CACNA2D1: variants seen among roughly 807,000 people sequenced by gnomAD.
CACNA2D1 encodes voltage-dependent calcium channel subunit alpha-2/delta-1.
In CACNA2D1, 53 loss-of-function variants were observed where a neutral mutation model predicts 171.5. That is an observed-to-expected ratio of 0.31 (90% CI 0.25 to 0.39). The LOEUF is 0.39. CACNA2D1 is among the 10% of genes least tolerant of loss of function. The pLI is 1.00. For missense variants in CACNA2D1, 903 were observed against 1,299.8 expected (o/e 0.69, Z 4.69); for synonymous variants, 442 against 443.1 (o/e 1.00, Z 0.03).
At chr7:82,198,784 T>C (rs1440756255) in intron 3 of CACNA2D1, among the ~76,000 whole-genome samples, 1 of 152,046 alleles carries the variant, frequency 6.6e-6, no homozygotes, top group Non-Finnish European at 1.5e-5. Context: ...ATTAATACTA[T>C]GCTGCTCCAG....
At position 81,949,123 on chromosome 7, in the gene CACNA2D1, C is replaced by T. The variant is rs1367962473; in HGVS notation, c.*1269G>A. 6.6e-6 allele frequency: 1 copy of T among 151,956 alleles called. No homozygotes were observed. The highest frequency in any genetic ancestry group is 1.5e-5 in the Non-Finnish European group (1 of 67,920). 9.4% of individuals were successfully genotyped at this position (151,956 alleles called of 1,614,324 possible). ...AGGAACTTTTGGATTGTATGTGCTA[C>T]TATTGAAACGAACAAAGAGGAAACC... On this transcript the variant is annotated 3_prime_UTR_variant, in exon 39 of 39. Transcript: ENST00000356860.
intron 12 of CACNA2D1, chr7:82,029,868 A>C (rs1802449190): frequency 1.3e-5 from 2 of 151,874 alleles, no homozygotes; most frequent in South Asian, 4.1e-4. Flanking sequence ...GTTAGAGACA[A>C]AATTAAATGA....
At chr7:82,081,043 G>C (rs1377967269) in intron 7 of CACNA2D1, among the ~76,000 whole-genome samples, 2 of 152,186 alleles carry the variant, frequency 1.3e-5, no homozygotes, top group Non-Finnish European at 2.9e-5. Context: ...TTAGGTCTCA[G>C]AGAGTTTAGG....
intron 3 of CACNA2D1, among the ~76,000 whole-genome samples, chr7:82,285,178 G>A (rs907004461): frequency 6.6e-6 from 1 of 151,954 alleles, no homozygotes; most frequent in East Asian, 1.9e-4. Context: ...TCCTCTTCTC[G>A]ATGGTGGTCA....
chr7:82,183,056 G>T (rs1300868889), intron 3 of CACNA2D1, among the ~76,000 whole-genome samples: 1 of 149,760 alleles, frequency 6.7e-6, no homozygotes, highest in East Asian at 2.0e-4. Flanking sequence ...AAAAAAAAGT[G>T]AGGCGCAGGA....
At chr7:82,042,748 G>T (rs2131246802) in intron 10 of CACNA2D1, among the ~76,000 whole-genome samples, 1 of 152,018 alleles carries the variant, frequency 6.6e-6, no homozygotes, top group East Asian at 1.9e-4. Flanking sequence ...CCCACTATAT[G>T]TACTGTTCCT....
intron 6 of CACNA2D1, among the ~76,000 whole-genome samples, chr7:82,100,634 C>T (rs945037392): frequency 6.6e-6 from 1 of 152,088 alleles, no homozygotes; most frequent in African/African-American, 2.4e-5. Flanking sequence ...TGAATCAATG[C>T]ACAGCTTGCT....
chr7:82,443,233 C>T, intron 1 of CACNA2D1, 132 bp downstream of exon 1: 1 of 833,400 alleles, frequency 1.2e-6, no homozygotes, highest in Non-Finnish European at 1.7e-6. Flanking sequence ...TCTCCGCATC[C>T]GAGCCTGGCT....
chr7:82,297,835 G>A (rs1251282063), intron 3 of CACNA2D1, among the ~76,000 whole-genome samples: 1 of 152,106 alleles, frequency 6.6e-6, no homozygotes, highest in East Asian at 1.9e-4. Flanking sequence ...AAATAATTAT[G>A]TATTCATCCA....
At chr7:82,325,339 C>T (rs1816515437) in intron 3 of CACNA2D1, among the ~76,000 whole-genome samples, 2 of 152,120 alleles carry the variant, frequency 1.3e-5, no homozygotes, top group African/African-American at 2.4e-5. Flanking sequence ...TATTCGGTAG[C>T]TAAACTAGCT....
intron 1 of CACNA2D1, among the ~76,000 whole-genome samples, chr7:82,361,689 A>G (rs1383384454): frequency 6.6e-6 from 1 of 152,180 alleles, no homozygotes; most frequent in Non-Finnish European, 1.5e-5. Flanking sequence ...CTTGCATATC[A>G]TACGCTCAGT....
At chr7:82,058,531 A>C (rs1156237331) in intron 10 of CACNA2D1, among the ~76,000 whole-genome samples, 1 of 152,190 alleles carries the variant, frequency 6.6e-6, no homozygotes, top group East Asian at 1.9e-4. Context: ...GAGATCAAGT[A>C]TTACATTCTA....
chr7:82,230,396 T>C lies in CACNA2D1; in HGVS notation c.295-59787A>G, dbSNP rs560906215. Among the ~76,000 whole-genome samples, 14 of 152,354 alleles carry C rather than the reference T, an allele frequency of 9.2e-5. 1 individual carries two copies. The East Asian group carries it at 1.3e-3, about 15-fold the overall frequency. On this transcript the variant is annotated intron_variant, in intron 3 of 38. Transcript: ENST00000356860. The stretch of plus-strand genomic sequence containing the variant: ...TGTAATGAATGCTTCACAATTTATA[T>C]TGGGTTGTTTCTAGTTTGGAGCTAT...
chr7:81,950,339 T>G lies in CACNA2D1; in HGVS notation c.*53A>C, dbSNP rs1468577273. ...ACGTTACTGTAATTGAGGGCAGGGCTCATGTTTTGGCAGGGTCTGGAGTTT... is the reference window on the plus strand; with the variant it reads ...ACGTTACTGTAATTGAGGGCAGGGCGCATGTTTTGGCAGGGTCTGGAGTTT... On this transcript the variant is annotated 3_prime_UTR_variant, in exon 39 of 39. Transcript: ENST00000356860. The G allele has an allele frequency of 6.2e-7, 1 of 1,612,498 alleles. No individual in the cohort carries two copies. The highest frequency in any genetic ancestry group is 1.7e-5 in the Admixed American group (1 of 59,800).
At chr7:82,146,081 A>G (rs986261913) in intron 4 of CACNA2D1, among the ~76,000 whole-genome samples, 14 of 151,870 alleles carry the variant, frequency 9.2e-5, no homozygotes, top group Admixed American at 9.2e-4. Context: ...TGTCCGGCAT[A>G]TTAACCAATC....
chr7:82,221,773 C>CAAA, intron 3 of CACNA2D1, among the ~76,000 whole-genome samples: 1 of 100,862 alleles, frequency 9.9e-6, no homozygotes, highest in Admixed American at 9.8e-5. Context: ...TTCACTGTTA[C>CAAA]CAAAAAAAAA....
intron 1 of CACNA2D1, among the ~76,000 whole-genome samples, chr7:82,436,142 A>C (rs1452581379): frequency 6.6e-6 from 1 of 152,224 alleles, no homozygotes; most frequent in African/African-American, 2.4e-5. Flanking sequence ...CTGAATAATA[A>C]TCATCATCAC....
intron 4 of CACNA2D1, among the ~76,000 whole-genome samples, chr7:82,150,902 T>A (rs1239095721): frequency 6.6e-6 from 1 of 152,166 alleles, no homozygotes; most frequent in Non-Finnish European, 1.5e-5. Context: ...CACATTTGAA[T>A]AATATATAAT....
intron 3 of CACNA2D1, among the ~76,000 whole-genome samples, chr7:82,260,120 G>T (rs1456864019): frequency 6.6e-6 from 1 of 152,156 alleles, no homozygotes; most frequent in Non-Finnish European, 1.5e-5. Context: ...TTCTTGGGAG[G>T]CTGAGGCAGG....
Sources: gnomAD v4.1 joint callset for allele counts (sites outside exome capture counted in the v4.1 genomes callset) on GRCh38, gnomAD v4.1.1 for gene constraint, MANE v1.5 for transcripts, NCBI Gene and HGNC (gene_info 2026-07-23, HGNC 2026-07-21) for gene names.